Variants in NPTXR observed in about 807,000 individuals in gnomAD.
The protein encoded by NPTXR is neuronal pentraxin receptor.
A neutral mutation model predicts 32.2 loss-of-function variants in NPTXR; 12 were observed. The observed-to-expected ratio is 0.37, with a 90% CI of 0.24 to 0.60. NPTXR has a LOEUF of 0.60. NPTXR is among the 20% of genes least tolerant of loss of function. The pLI, the probability that NPTXR is intolerant of heterozygous loss-of-function variation, is 0.66. For synonymous variants in NPTXR, 323 were observed against 315.8 expected, an observed-to-expected ratio of 1.02 and a Z score of -0.24; for missense variants, 612 against 682.9, an observed-to-expected ratio of 0.90 and a Z score of 1.16.
In NPTXR at chr22:38,843,517, GCCCGCCGCGTCCCCCTGCTGGGCC is replaced by G; in HGVS notation, c.318_341del (p.Gln108_Ala115del). 1 of 1,271,110 alleles carries G rather than the reference GCCCGCCGCGTCCCCCTGCTGGGCC, an allele frequency of 7.9e-7. No homozygotes were observed. Among genetic ancestry groups the G allele is most frequent in the East Asian group, 3.3e-5 (1 of 30,720 alleles). 78.7% of individuals were successfully genotyped at this position (1,271,110 alleles called of 1,614,324 possible). The stretch of plus-strand genomic sequence containing the variant: ...GCTCTTCGCGCTCGCCCGGCGCAGC[GCCCGCCGCGTCCCCCTGCTGGGCC>G]CCCGACGGGCAGGCAGCAGCCAGCG... On this transcript the variant is annotated inframe_deletion, in exon 1 of 5. Transcript: ENST00000333039. The surrounding 1 kb of genome is among the most constrained non-coding windows in gnomAD (Gnocchi z 5.3).
chr22:38,837,363 C>T (rs1381775377), intron 1 of NPTXR, among the ~76,000 whole-genome samples: 1 of 152,258 alleles, frequency 6.6e-6, no homozygotes, highest in Admixed American at 6.5e-5. Context: ...AGCCCTCTCT[C>T]CACATTCCAC....
At chr22:38,839,301 C>G (rs1473169776) in intron 1 of NPTXR, among the ~76,000 whole-genome samples, 1 of 152,224 alleles carries the variant, frequency 6.6e-6, no homozygotes, top group Non-Finnish European at 1.5e-5. Flanking sequence ...TGGCCTGTAG[C>G]CGCATCATTG....
In NPTXR at chr22:38,818,537, T is replaced by TACACACAC. The variant is rs138892990; in HGVS notation, c.*4064_*4071dup. On this transcript the variant is annotated 3_prime_UTR_variant, in exon 5 of 5. Transcript: ENST00000333039. The surrounding 1 kb of genome is among the most constrained non-coding windows in gnomAD (Gnocchi z 4.5). ...AACCATGACACAGATCACACACACATACACACACACACACACGCACACACA... is the reference window on the plus strand; with the variant it reads ...AACCATGACACAGATCACACACACATACACACACACACACACACACACACGCACACACA... The TACACACAC allele has an allele frequency of 1.2e-4, 18 of 150,758 alleles. No homozygotes were observed. 9.3% of individuals were successfully genotyped at this position (150,758 alleles called of 1,614,324 possible).
chr22:38,822,625 C>T lies in NPTXR; in HGVS notation c.1487G>A (p.Gly496Glu). The T allele has an allele frequency of 6.2e-7, 1 of 1,612,180 alleles. No individual in the cohort carries two copies. Among genetic ancestry groups the T allele is most frequent in the Non-Finnish European group, 8.5e-7 (1 of 1,179,478 alleles). The change falls in exon 5 of 5, where the codon GGG (glycine) becomes GAG (glutamate). Residue 496 changes from glycine to glutamate, a missense_variant. Gly to Glu is a moderately conservative substitution (Grantham distance 98). Coordinates refer to ENST00000333039, the MANE Select transcript of NPTXR (RefSeq NM_014293.4). ...GGTGGCCCCTCATGCCTTGGCCCTC[C>T]CCTTGCAGACATCGAAGGCAGCCTT...
intron 3 of NPTXR, 30 bp downstream of exon 3, chr22:38,826,470 C>G (rs371762509): frequency 3.2e-6 from 5 of 1,577,758 alleles, no homozygotes; most frequent in Admixed American, 1.7e-5. Context: ...GGCCCTCCCC[C>G]AGCCAGCCCT....
chr22:38,838,870 C>T (rs977351040), intron 1 of NPTXR, among the ~76,000 whole-genome samples: 5 of 152,022 alleles, frequency 3.3e-5, no homozygotes, highest in Admixed American at 1.3e-4. Context: ...TGTGAGCCAC[C>T]GCGCCCAGCT....
chr22:38,828,282 C>T lies in NPTXR; in HGVS notation c.850+5G>A. Reference sequence around the variant, plus strand: ...CCAATGCCCTCTGCAGGACCCAGGACCCACCGTGCTCCAGCTCAGCCACAC... The same window carrying T: ...CCAATGCCCTCTGCAGGACCCAGGATCCACCGTGCTCCAGCTCAGCCACAC... On this transcript the variant is annotated splice_donor_5th_base_variant and intron_variant, in intron 2 of 4. Transcript: ENST00000333039. The T allele has an allele frequency of 6.2e-7, 1 of 1,612,276 alleles. No homozygotes were observed. The highest frequency in any genetic ancestry group is 8.5e-7 in the Non-Finnish European group (1 of 1,179,268).
intron 3 of NPTXR, among the ~76,000 whole-genome samples, chr22:38,824,696 G>A (rs1285659400): frequency 1.3e-5 from 2 of 152,194 alleles, no homozygotes; most frequent in South Asian, 2.1e-4. Context: ...CCCTGTCCAG[G>A]GTGCTGAATT....
chr22:38,825,158 C>T (rs1313758208), intron 3 of NPTXR, among the ~76,000 whole-genome samples: 1 of 152,196 alleles, frequency 6.6e-6, no homozygotes, highest in Admixed American at 6.5e-5. Context: ...ATTCTCCCTG[C>T]CTTGTCCTTG....
intron 1 of NPTXR, among the ~76,000 whole-genome samples, chr22:38,828,994 G>A (rs1003325842): frequency 7.2e-5 from 11 of 152,360 alleles, no homozygotes; most frequent in East Asian, 1.9e-4. Context: ...CACTCAGGGC[G>A]TGAAACAGGG....
In NPTXR at chr22:38,828,270, C is replaced by T. The variant is rs756656274; in HGVS notation, c.850+17G>A. 24 of 1,605,268 alleles carry T rather than the reference C, an allele frequency of 1.5e-5. No individual in the cohort carries two copies. The highest frequency in any genetic ancestry group is 2.0e-5 in the Non-Finnish European group (24 of 1,173,632). The stretch of plus-strand genomic sequence containing the variant: ...CTGAGGACCCCTCCAATGCCCTCTG[C>T]AGGACCCAGGACCCACCGTGCTCCA... On this transcript the variant is annotated intron_variant, in intron 2 of 4. Coordinates refer to ENST00000333039, the MANE Select transcript of NPTXR (RefSeq NM_014293.4).
Position 38,828,311 on chromosome 22 carries a change from C to G in NPTXR, c.826G>C (p.Gly276Arg). ...CCGTGCTCCAGCTCAGCCACACGAC[C>G]CTGCAGGACGTCCAACTCCTTTTCC... The change falls in exon 2 of 5, where the codon GGT becomes CGT. Residue 276 changes from glycine to arginine, a missense_variant. Coordinates refer to ENST00000333039, the MANE Select transcript of NPTXR (RefSeq NM_014293.4). 2 of 1,613,594 alleles carry G rather than the reference C, an allele frequency of 1.2e-6. No homozygotes were observed. Among genetic ancestry groups the G allele is most frequent in the Non-Finnish European group, 1.7e-6 (2 of 1,180,022 alleles).
Position 38,822,786 on chromosome 22 carries a change from G to A in NPTXR, c.1326C>T (p.Asp442=). Reference sequence around the variant, plus strand: ...GGTCCCACAGGTTAAACTGGGCAATGTCACCGACAAAGGCCTGGGTGGCAT... The same window carrying A: ...GGTCCCACAGGTTAAACTGGGCAATATCACCGACAAAGGCCTGGGTGGCAT... Residue 442 remains aspartate (D), a synonymous_variant, in exon 5 of 5, where the codon GAC becomes GAT. Transcript: ENST00000333039. 6.2e-7 allele frequency: 1 copy of A among 1,614,180 alleles called. No homozygotes were observed. Among genetic ancestry groups the A allele is most frequent in the Non-Finnish European group, 8.5e-7 (1 of 1,180,006 alleles).
chr22:38,837,450 G>A (rs1422532972), intron 1 of NPTXR, among the ~76,000 whole-genome samples: 1 of 152,230 alleles, frequency 6.6e-6, no homozygotes, highest in African/African-American at 2.4e-5. Flanking sequence ...TGCCCACTAG[G>A]CAGAAGCTTC....
rs1045747117 is a variant in NPTXR at position 38,820,798 on chromosome 22, T to G, written c.*1811A>C. On this transcript the variant is annotated 3_prime_UTR_variant, in exon 5 of 5. Transcript: ENST00000333039. ...CCTGGCTCTGCCCCATGCTCTGTGA[T>G]CCTGTGCAGGTCACGTGTCCTCCCT... The G allele has an allele frequency of 6.6e-6, 1 of 152,240 alleles. No individual in the cohort carries two copies. Among genetic ancestry groups the G allele is most frequent in the African/African-American group, 2.4e-5 (1 of 41,438 alleles). The allele number at this position is 152,240 out of a possible 1,614,324, so 9.4% of individuals were successfully genotyped here. A position where few individuals can be genotyped will look rare whatever the true frequency, so the allele number is the denominator to read the frequency against.
chr22:38,841,558 C>T (rs1408093653), intron 1 of NPTXR, among the ~76,000 whole-genome samples: 5 of 152,230 alleles, frequency 3.3e-5, no homozygotes, highest in African/African-American at 1.2e-4. Flanking sequence ...CAATGAAAGT[C>T]AAAAATTGTT....
intron 1 of NPTXR, among the ~76,000 whole-genome samples, chr22:38,840,557 G>A (rs1275782198): frequency 1.3e-5 from 2 of 152,056 alleles, no homozygotes; most frequent in Admixed American, 6.5e-5. Flanking sequence ...TGGGGGGAGA[G>A]GGAGGGGCCA....
rs561219139 is a variant in NPTXR at position 38,839,190 on chromosome 22, T to C, written c.624+4045A>G. Among the ~76,000 whole-genome samples, 14 of 152,336 alleles carry C rather than the reference T, an allele frequency of 9.2e-5. No individual in the cohort carries two copies. In the East Asian group the frequency reaches 2.3e-3, roughly 25 times the overall value. ...TCAGCTTGCTGGGCTGGGTTAAGGA[T>C]GTGGTTTATGCCAAAGAAATGCTGT... On this transcript the variant is annotated intron_variant, in intron 1 of 4. Transcript: ENST00000333039.
Position 38,826,610 on chromosome 22 carries a change from T to C in NPTXR, c.988A>G (p.Ser330Gly). ...AAGGGGGTGCCCTGGCCGGTGCCGC[T>C]GGACCTGGACCGCAGCCACATGCAG... Residue 330 changes from serine to glycine, a missense_variant, in exon 3 of 5, where the codon AGC becomes GGC. Transcript: ENST00000333039. 1 of 1,614,252 alleles carries C rather than the reference T, an allele frequency of 6.2e-7. No homozygotes were observed. Among genetic ancestry groups the C allele is most frequent in the Non-Finnish European group, 8.5e-7 (1 of 1,180,038 alleles).
Sources: gnomAD v4.1 joint callset for allele counts (sites outside exome capture counted in the v4.1 genomes callset) on GRCh38, gnomAD v4.1.1 for gene constraint, Gnocchi (gnomAD v3.1) non-coding constraint, MANE v1.5 for transcripts, NCBI Gene and HGNC (gene_info 2026-07-23, HGNC 2026-07-21) for gene names.